The following ZNF837 variants were observed in gnomAD, a reference collection of about 807,000 sequenced individuals.
The protein encoded by ZNF837 is zinc finger protein 837.
For synonymous variants in ZNF837, 475 were observed against 365.2 expected (o/e 1.30, Z -3.43); for missense variants, 955 against 801.7 (o/e 1.19, Z -2.31).
chr19:58,370,236 CTTCTAGG>C (rs1010389125), intron 1 of ZNF837, among the ~76,000 whole-genome samples: 2 of 152,196 alleles, frequency 1.3e-5, no homozygotes, highest in Non-Finnish European at 2.9e-5. Context: ...CCATTTCCAG[CTTCTAGG>C]TGCCACCTAC....
rs1195275417 is a variant in ZNF837, at chr19:58,377,078, G to A, written c.-140+3863C>T. ...TAAAAATACAAAAAATTAGCCAGGC[G>A]AGGTGGCGCGCACCTGTAATCCCAG... On this transcript the variant is annotated intron_variant, in intron 1 of 2. Coordinates refer to ENST00000597582, the MANE Select transcript of ZNF837 (RefSeq NM_138466.2). 2.6e-5 allele frequency among the ~76,000 whole-genome samples: 4 copies of A among 151,634 alleles called. No homozygotes were observed. In the South Asian group the frequency reaches 8.3e-4, roughly 31 times the overall value.
Position 58,368,210 on chromosome 19 carries a change from ACAG to A in ZNF837, c.1120_1122del (p.Leu374del). 6.5e-7 allele frequency: 1 copy of A among 1,549,408 alleles called. No individual in the cohort carries two copies. The highest frequency in any genetic ancestry group is 8.7e-7 in the Non-Finnish European group (1 of 1,151,232). ...CGCCGGTGCTCCACGAGGTGCGAGA[ACAG>A]CCCGAAGGCCTTGGCGCAGTCGGCG... On this transcript the variant is annotated inframe_deletion, in exon 3 of 3. Transcript: ENST00000597582.
At chr19:58,371,923 A>G (rs946120753) in intron 1 of ZNF837, among the ~76,000 whole-genome samples, 9 of 151,960 alleles carry the variant, frequency 5.9e-5, no homozygotes, top group Non-Finnish European at 1.2e-4. Context: ...GGGTTTCACC[A>G]TGCTGGCCAG....
chr19:58,369,633 GC>G (rs1421143491), intron 2 of ZNF837, 185 bp downstream of exon 2: 7 of 287,320 alleles, frequency 2.4e-5, no homozygotes, highest in Admixed American at 5.2e-5. Context: ...TGTGCCCCTG[GC>G]TAAGGCCCTC....
At position 58,367,669 on chromosome 19, in the gene ZNF837, C is replaced by G; in HGVS notation, c.*68G>C. 2.8e-6 allele frequency: 4 copies of G among 1,432,272 alleles called. No individual in the cohort carries two copies. In the South Asian group the frequency reaches 4.4e-5, roughly 16 times the overall value. The allele number at this position is 1,432,272 out of a possible 1,614,324, so 88.7% of individuals were successfully genotyped here. Reference sequence around the variant, plus strand: ...AAAGTTACAAACGTTGGTGGGTTTTCCGGGACAAAGGCCCCTCCTCGACGC... The same window carrying G: ...AAAGTTACAAACGTTGGTGGGTTTTGCGGGACAAAGGCCCCTCCTCGACGC... On this transcript the variant is annotated 3_prime_UTR_variant, in exon 3 of 3. Transcript: ENST00000597582.
chr19:58,372,752 T>C (rs903431037), intron 1 of ZNF837, among the ~76,000 whole-genome samples: 13 of 152,332 alleles, frequency 8.5e-5, no homozygotes, highest in East Asian at 3.9e-4. Flanking sequence ...CAGAAATGCA[T>C]TGATGGCCAG....
intron 1 of ZNF837, among the ~76,000 whole-genome samples, chr19:58,374,778 A>C (rs1361962500): frequency 6.6e-6 from 1 of 152,048 alleles, no homozygotes; most frequent in African/African-American, 2.4e-5. Context: ...TGCTAAAAAT[A>C]CAAAAATTAG....
chr19:58,369,436 C>A (rs2052180319), intron 2 of ZNF837, 75 bp from the exon 3 acceptor site: 3 of 1,245,608 alleles, frequency 2.4e-6, no homozygotes, highest in African/African-American at 1.6e-5. Flanking sequence ...CAACGAGCGA[C>A]CACCCCACAG....
chr19:58,369,187 T>TC lies in ZNF837; in HGVS notation c.145dup (p.Asp49GlyfsTer9). On this transcript the variant is annotated frameshift_variant, in exon 3 of 3. Transcript: ENST00000597582. LOFTEE classifies it low-confidence loss of function (END_TRUNC). The stretch of plus-strand genomic sequence containing the variant: ...CCTACCGCCCGCCGCTCCACGCAGG[T>TC]CCCCCTTTTGAGTGGGGCGGCTCCC... 6.9e-7 allele frequency: 1 copy of TC among 1,449,266 alleles called. No homozygotes were observed. The highest frequency in any genetic ancestry group is 9.1e-7 in the Non-Finnish European group (1 of 1,101,776). The allele number at this position is 1,449,266 out of a possible 1,614,324, so 89.8% of individuals were successfully genotyped here.
At chr19:58,378,609 C>T (rs185658428) in intron 1 of ZNF837, among the ~76,000 whole-genome samples, 135 of 152,280 alleles carry the variant, frequency 8.9e-4, no homozygotes, top group African/African-American at 3.2e-3. Flanking sequence ...TGGATGGGCA[C>T]ATGAGGTCAC....
At chr19:58,377,888 G>A (rs1393004006) in intron 1 of ZNF837, among the ~76,000 whole-genome samples, 1 of 152,192 alleles carries the variant, frequency 6.6e-6, no homozygotes, top group East Asian at 1.9e-4. Context: ...ACCACACACA[G>A]TATCTGGCGT....
At chr19:58,380,588 G>T (rs1467752867) in intron 1 of ZNF837, among the ~76,000 whole-genome samples, 2 of 152,244 alleles carry the variant, frequency 1.3e-5, no homozygotes, top group Non-Finnish European at 2.9e-5. Context: ...GGGCAGAGAC[G>T]GTAGGGAGGC....
At chr19:58,376,587 AAAAAG>A (rs2052249273) in intron 1 of ZNF837, among the ~76,000 whole-genome samples, 1 of 132,130 alleles carries the variant, frequency 7.6e-6, no homozygotes, top group African/African-American at 2.8e-5. Context: ...AAAAAAAAAA[AAAAAG>A]AAAGAAAAGA....
intron 1 of ZNF837, 78 bp downstream of exon 1, chr19:58,380,863 G>T (rs1436662419): frequency 6.6e-6 from 1 of 152,318 alleles, no homozygotes; most frequent in African/African-American, 2.4e-5. Flanking sequence ...GAGGGGACTG[G>T]GGTGGTGGCC....
Position 58,367,855 on chromosome 19 carries a change from T to C in ZNF837, c.1478A>G (p.His493Arg). Reference sequence around the variant, plus strand: ...CCGCTCGCCCGTGTGCGTGCGCAGGTGGCGCACCAGGCTGCAGTTGCGCAC... The same window carrying C: ...CCGCTCGCCCGTGTGCGTGCGCAGGCGGCGCACCAGGCTGCAGTTGCGCAC... ...AFVRNCSLVR[H>R]LRTHTGERPY... is the part of the protein sequence containing the mutation. The change falls in exon 3 of 3, where the codon CAC (histidine) becomes CGC (arginine). Residue 493 changes from histidine (H) to arginine (R), a missense_variant. Physicochemically the swap from His to Arg is conservative, Grantham distance 29. Transcript: ENST00000597582. 6.5e-7 allele frequency: 1 copy of C among 1,536,010 alleles called. No individual in the cohort carries two copies. The highest frequency in any genetic ancestry group is 1.2e-5 in the South Asian group (1 of 83,890).
chr19:58,367,814 C>A lies in ZNF837; in HGVS notation c.1519G>T (p.Asp507Tyr), dbSNP rs1168236374. The change falls in exon 3 of 3, where the codon GAT becomes TAT. Residue 507 changes from aspartate (D) to tyrosine (Y), a missense_variant. Physicochemically the swap from Asp to Tyr is radical, Grantham distance 160 (BLOSUM62 -3). Transcript: ENST00000597582. ...HTGERPYACG[D>Y]CGRAFSQRSN... ...CGTTGGCTGAAGGCGCGGCCGCAAT[C>A]TCCGCACGCGTAGGGCCGCTCGCCC... The A allele has an allele frequency of 2.6e-6, 4 of 1,536,508 alleles. No homozygotes were observed. The South Asian group carries it at 3.6e-5, about 14-fold the overall frequency.
At chr19:58,376,585 A>G (rs1422822283) in intron 1 of ZNF837, among the ~76,000 whole-genome samples, 1 of 138,316 alleles carries the variant, frequency 7.2e-6, no homozygotes, top group African/African-American at 2.7e-5. Flanking sequence ...AAAAAAAAAA[A>G]AAAAAAGAAA....
chr19:58,368,492 T>C lies in ZNF837; in HGVS notation c.841A>G (p.Thr281Ala). Residue 281 changes from threonine to alanine, a missense_variant, in exon 3 of 3, where the codon ACG (threonine) becomes GCG (alanine). Coordinates refer to ENST00000597582, the MANE Select transcript of ZNF837 (RefSeq NM_138466.2). The stretch of plus-strand genomic sequence containing the variant: ...TGCTGCAGCAGGCTGGAGGTGCGCG[T>C]GAAGGCCTTGCCGCACTCGTCGCAA... ...YACDECGKAF[T>A]RTSSLLQHQR... The C allele has an allele frequency of 6.4e-7, 1 of 1,558,274 alleles. No individual in the cohort carries two copies. Among genetic ancestry groups the C allele is most frequent in the South Asian group, 1.2e-5 (1 of 84,982 alleles).
chr19:58,380,778 G>C (rs1415588736), intron 1 of ZNF837, among the ~76,000 whole-genome samples, 163 bp downstream of exon 1: 1 of 152,216 alleles, frequency 6.6e-6, no homozygotes, highest in Admixed American at 6.5e-5. Context: ...TGTGTGGCCG[G>C]TCCGGACCCG....
Sources: gnomAD v4.1 joint callset for allele counts (sites outside exome capture counted in the v4.1 genomes callset) on GRCh38, gnomAD v4.1.1 for gene constraint, MANE v1.5 for transcripts, NCBI Gene and HGNC (gene_info 2026-07-23, HGNC 2026-07-21) for gene names.